SUPT3H: variants seen among roughly 807,000 people sequenced by gnomAD.
SUPT3H encodes the protein SPT3 homolog, SAGA and STAGA complex component, also known as transcription initiation protein SPT3 homolog.
Under a neutral mutation model 44.3 loss-of-function variants are expected in SUPT3H, and 44 were observed. That is an observed-to-expected ratio of 0.99 (90% confidence interval 0.78 to 1.28). The LOEUF (loss-of-function observed/expected upper bound fraction) is 1.28. Ranked by LOEUF, SUPT3H falls within the 50% of genes most tolerant of loss-of-function variation. The pLI, the probability that SUPT3H is intolerant of heterozygous loss-of-function variation, is 0.00. For synonymous variants in SUPT3H, 124 were observed against 125.6 expected (o/e 0.99, Z 0.09); for missense variants, 380 against 387.1 (o/e 0.98, Z 0.15).
intron 10 of SUPT3H, 46 bp downstream of exon 10, chr6:44,932,607 C>A (rs944389442): frequency 7.3e-7 from 1 of 1,369,730 alleles, no homozygotes; most frequent in Admixed American, 2.4e-5. Flanking sequence ...AATCAAAATT[C>A]TTTCATATTA....
At chr6:45,220,537 C>T (rs949716141) in intron 2 of SUPT3H, among the ~76,000 whole-genome samples, 2 of 152,206 alleles carry the variant, frequency 1.3e-5, no homozygotes, top group Admixed American at 6.5e-5. Flanking sequence ...ACTCTCCCCA[C>T]TCTTTCTCAA....
chr6:44,986,678 A>G (rs1429921696), intron 6 of SUPT3H, among the ~76,000 whole-genome samples: 1 of 152,190 alleles, frequency 6.6e-6, no homozygotes, highest in Admixed American at 6.6e-5. Flanking sequence ...ATTTCTGAAC[A>G]GAATCACATA....
At chr6:44,963,701 A>T (rs1336679671) in intron 6 of SUPT3H, among the ~76,000 whole-genome samples, 1 of 152,146 alleles carries the variant, frequency 6.6e-6, no homozygotes, top group African/African-American at 2.4e-5. Context: ...TGTTTTGAAC[A>T]TTACAAAAAA....
intron 3 of SUPT3H, among the ~76,000 whole-genome samples, chr6:45,031,310 T>A (rs905044608): frequency 1.3e-5 from 2 of 152,194 alleles, no homozygotes; most frequent in Non-Finnish European, 2.9e-5. Context: ...TGGATAAATG[T>A]ATTTGTATAT....
intron 3 of SUPT3H, among the ~76,000 whole-genome samples, chr6:45,090,095 C>CA (rs1796952432): frequency 6.6e-6 from 1 of 152,036 alleles, no homozygotes; most frequent in Non-Finnish European, 1.5e-5. Flanking sequence ...GCATAAAATG[C>CA]AAAAGCTCTG....
At chr6:45,194,695 T>TA (rs1180918465) in intron 2 of SUPT3H, among the ~76,000 whole-genome samples, 1 of 152,030 alleles carries the variant, frequency 6.6e-6, no homozygotes, top group African/African-American at 2.4e-5. Context: ...TTAATTCTAA[T>TA]AAAAAATACA....
chr6:45,216,134 T>C (rs987867464), intron 2 of SUPT3H, among the ~76,000 whole-genome samples: 19 of 151,988 alleles, frequency 1.3e-4, no homozygotes, highest in Admixed American at 1.2e-3. Flanking sequence ...ACTAGAAAAC[T>C]GAGGAAATTC....
intron 2 of SUPT3H, among the ~76,000 whole-genome samples, chr6:45,179,045 A>G (rs1166187264): frequency 6.6e-6 from 1 of 152,142 alleles, no homozygotes; most frequent in Non-Finnish European, 1.5e-5. Context: ...GATAAAGGGG[A>G]TATCACCACC....
chr6:45,180,754 C>A (rs1392780576), intron 2 of SUPT3H, among the ~76,000 whole-genome samples: 1 of 152,066 alleles, frequency 6.6e-6, no homozygotes, highest in Admixed American at 6.6e-5. Flanking sequence ...AGACCTAAAA[C>A]CATAAAAACC....
intron 10 of SUPT3H, among the ~76,000 whole-genome samples, chr6:44,851,289 A>G (rs1184764147): frequency 6.6e-6 from 1 of 152,242 alleles, no homozygotes; most frequent in African/African-American, 2.4e-5. Context: ...AGAGTTTTCT[A>G]AACTGGCTAG....
In SUPT3H at chr6:45,003,616, T is replaced by G. The variant is rs746561032; in HGVS notation, c.504+37A>C. Reference sequence around the variant, plus strand: ...CAAACAGCATAGGCACTGCAATGATTGTTCTATTTCTGTAAAAAGGGAAGA... The same window carrying G: ...CAAACAGCATAGGCACTGCAATGATGGTTCTATTTCTGTAAAAAGGGAAGA... On this transcript the variant is annotated intron_variant, in intron 6 of 10. Coordinates refer to ENST00000371459, the MANE Select transcript of SUPT3H (RefSeq NM_003599.4). 5 of 1,603,836 alleles carry G rather than the reference T, an allele frequency of 3.1e-6. No individual in the cohort carries two copies. The South Asian group carries it at 5.5e-5, about 18-fold the overall frequency.
chr6:44,814,956 T>A (rs1408052750), intron 11 of SUPT3H, among the ~76,000 whole-genome samples: 1 of 152,038 alleles, frequency 6.6e-6, no homozygotes, highest in Non-Finnish European at 1.5e-5. Context: ...GGATTATAGT[T>A]GTGAGCCACC....
chr6:45,197,419 T>C (rs1816237890), intron 2 of SUPT3H, among the ~76,000 whole-genome samples: 1 of 151,554 alleles, frequency 6.6e-6, no homozygotes, highest in African/African-American at 2.4e-5. Context: ...TTACATGGTG[T>C]TTCTTCTTTA....
intron 2 of SUPT3H, chr6:45,328,795 C>G: frequency 6.2e-7 from 1 of 1,611,426 alleles, no homozygotes; most frequent in East Asian, 2.2e-5. Context: ...GTAAGTGTTA[C>G]CATTTTTAAA....
chr6:44,906,335 G>A (rs756149105), intron 10 of SUPT3H, among the ~76,000 whole-genome samples: 2 of 152,150 alleles, frequency 1.3e-5, no homozygotes, highest in Non-Finnish European at 2.9e-5. Flanking sequence ...CTCCTTTACA[G>A]AGGAACAATG....
At chr6:45,287,637 T>C (rs1779539310) in intron 2 of SUPT3H, among the ~76,000 whole-genome samples, 1 of 152,176 alleles carries the variant, frequency 6.6e-6, no homozygotes, top group African/African-American at 2.4e-5. Flanking sequence ...TATTGTTTAA[T>C]GGTTGCCAAA....
chr6:45,211,899 C>T (rs1414540820), intron 2 of SUPT3H, among the ~76,000 whole-genome samples: 1 of 150,218 alleles, frequency 6.7e-6, no homozygotes, highest in Admixed American at 6.6e-5. Context: ...CACAGTGGCT[C>T]ACATGTGTAA....
At chr6:45,366,038 A>G (rs1795078934) in intron 1 of SUPT3H, among the ~76,000 whole-genome samples, 1 of 152,154 alleles carries the variant, frequency 6.6e-6, no homozygotes, top group South Asian at 2.1e-4. Context: ...AGATTTAGTC[A>G]AAGTAACATT....
chr6:45,214,423 T>G (rs1344435064), intron 2 of SUPT3H, among the ~76,000 whole-genome samples: 1 of 149,420 alleles, frequency 6.7e-6, no homozygotes, highest in African/African-American at 2.5e-5. Flanking sequence ...AAGAATTACA[T>G]ACAAAAAAAA....
Sources: gnomAD v4.1 joint callset for allele counts (sites outside exome capture counted in the v4.1 genomes callset) on GRCh38, gnomAD v4.1.1 for gene constraint, MANE v1.5 for transcripts, NCBI Gene and HGNC (gene_info 2026-07-23, HGNC 2026-07-21) for gene names.